The following EYS variants were observed in gnomAD, a reference collection of about 807,000 sequenced individuals.
EYS encodes the protein protein eyes shut homolog.
Under a neutral mutation model 282.1 loss-of-function variants are expected in EYS, and 250 were observed. The observed-to-expected ratio is 0.89, with a 90% CI of 0.80 to 0.98. The LOEUF (loss-of-function observed/expected upper bound fraction) is 0.98, where lower values mean the gene tolerates loss of function less well. EYS is among the 50% of genes least tolerant of loss of function. The pLI is 0.00. For synonymous variants in EYS, 1,355 were observed against 1,282.9 expected, an observed-to-expected ratio of 1.06 and a Z score of -1.20; for missense variants, 4,016 against 3,709.0, an observed-to-expected ratio of 1.08 and a Z score of -2.15.
At chr6:64,809,612 A>G (rs919841142) in intron 22 of EYS, among the ~76,000 whole-genome samples, 3 of 152,124 alleles carry the variant, frequency 2.0e-5, no homozygotes, top group Non-Finnish European at 4.4e-5. Context: ...TGTGGTACAT[A>G]TACACCACAC....
intron 30 of EYS, among the ~76,000 whole-genome samples, chr6:64,241,469 G>T (rs1288092880): frequency 2.0e-5 from 3 of 151,682 alleles, no homozygotes; most frequent in Non-Finnish European, 4.4e-5. Context: ...GTCTTGGGAG[G>T]GTGTATGTGT....
chr6:64,129,005 C>A (rs1423180136), intron 31 of EYS, among the ~76,000 whole-genome samples: 2 of 152,044 alleles, frequency 1.3e-5, no homozygotes, highest in African/African-American at 4.8e-5. Flanking sequence ...TATATACAAC[C>A]CTCTGGTCAA....
chr6:64,821,865 C>G (rs1272768277), intron 20 of EYS, 142 bp from the exon 21 acceptor site: 1 of 480,892 alleles, frequency 2.1e-6, no homozygotes, highest in Non-Finnish European at 3.7e-6. Context: ...GAGTTTATTC[C>G]TGGGTTTCTT....
At chr6:64,623,863 C>A (rs1015205756) in intron 23 of EYS, among the ~76,000 whole-genome samples, 2 of 151,948 alleles carry the variant, frequency 1.3e-5, no homozygotes, top group African/African-American at 4.8e-5. Context: ...GAAACCGTGG[C>A]AAACTATGCC....
chr6:63,948,626 TTCTTTCTC>T (rs1765469978), intron 35 of EYS, among the ~76,000 whole-genome samples: 1 of 151,768 alleles, frequency 6.6e-6, no homozygotes. Context: ...CTCTCTTTCT[TTCTTTCTC>T]TCTCCTTCTC....
At chr6:64,271,666 A>G (rs1313885859) in intron 30 of EYS, among the ~76,000 whole-genome samples, 1 of 151,466 alleles carries the variant, frequency 6.6e-6, no homozygotes, top group Admixed American at 6.6e-5. Flanking sequence ...ACTTAATTCA[A>G]TTGAAATTGA....
At chr6:65,487,659 G>A (rs1435415787) in intron 5 of EYS, among the ~76,000 whole-genome samples, 24 of 152,080 alleles carry the variant, frequency 1.6e-4, no homozygotes, top group Non-Finnish European at 7.4e-5. Flanking sequence ...TCTCTGCCAG[G>A]CTTTGGTATC....
intron 5 of EYS, among the ~76,000 whole-genome samples, chr6:65,407,454 T>C (rs772876573): frequency 5.1e-4 from 77 of 151,942 alleles, no homozygotes; most frequent in Non-Finnish European, 9.9e-4. Flanking sequence ...TGGGGTTTCA[T>C]TATGTTGGCC....
chr6:64,519,670 T>C (rs952933817), intron 26 of EYS, among the ~76,000 whole-genome samples: 1 of 151,732 alleles, frequency 6.6e-6, no homozygotes, highest in Non-Finnish European at 1.5e-5. Flanking sequence ...CACCCACCAA[T>C]TGGAGGATGT....
At chr6:63,920,159 T>G (rs1469900666) in intron 35 of EYS, among the ~76,000 whole-genome samples, 3 of 150,468 alleles carry the variant, frequency 2.0e-5, no homozygotes, top group African/African-American at 7.3e-5. Context: ...TCCAAAGCCT[T>G]TTTTTTTTAA....
chr6:65,113,053 T>C (rs1020963751), intron 12 of EYS, among the ~76,000 whole-genome samples: 9 of 152,018 alleles, frequency 5.9e-5, no homozygotes, highest in African/African-American at 1.9e-4. Flanking sequence ...ATAATATAAC[T>C]CTCACATTAT....
intron 22 of EYS, among the ~76,000 whole-genome samples, chr6:64,771,417 T>G (rs1773519035): frequency 6.6e-6 from 1 of 151,294 alleles, no homozygotes; most frequent in African/African-American, 2.4e-5. Context: ...TCTATTTTAC[T>G]TAGGAATGCT....
chr6:65,101,533 A>T (rs939114178), intron 12 of EYS, among the ~76,000 whole-genome samples: 11 of 151,324 alleles, frequency 7.3e-5, no homozygotes, highest in Admixed American at 2.0e-4. Flanking sequence ...AGAAAGAAAC[A>T]GCCAAATCTA....
chr6:64,569,268 A>C (rs1331331813), intron 26 of EYS, among the ~76,000 whole-genome samples: 2 of 151,962 alleles, frequency 1.3e-5, no homozygotes, highest in Non-Finnish European at 2.9e-5. Flanking sequence ...GGGATTGCTA[A>C]TTAGAATAAC....
chr6:64,884,888 C>A (rs763015852), intron 19 of EYS, among the ~76,000 whole-genome samples: 7 of 151,504 alleles, frequency 4.6e-5, no homozygotes, highest in Non-Finnish European at 8.9e-5. Flanking sequence ...GACATGTGAG[C>A]AGTTTTGCTC....
At chr6:64,026,858 A>C (rs972148580) in intron 33 of EYS, among the ~76,000 whole-genome samples, 3 of 152,160 alleles carry the variant, frequency 2.0e-5, no homozygotes, top group African/African-American at 7.2e-5. Context: ...ACCCGGGTAC[A>C]TGTCCCCTTC....
chr6:65,386,479 A>T (rs1208663955), intron 7 of EYS, among the ~76,000 whole-genome samples: 1 of 151,838 alleles, frequency 6.6e-6, no homozygotes, highest in African/African-American at 2.4e-5. Context: ...ACTCCCAGTG[A>T]TGGCTTGAAA....
At chr6:65,231,859 G>C (rs1227700872) in intron 12 of EYS, among the ~76,000 whole-genome samples, 1 of 151,716 alleles carries the variant, frequency 6.6e-6, no homozygotes, top group Non-Finnish European at 1.5e-5. Flanking sequence ...GCAAGTAGTG[G>C]TATGAATAGT....
At chr6:64,319,043 C>T (rs1207134538) in intron 29 of EYS, among the ~76,000 whole-genome samples, 2 of 151,374 alleles carry the variant, frequency 1.3e-5, no homozygotes, top group East Asian at 1.9e-4. Flanking sequence ...GCGTATTAAC[C>T]TTTCTTTTTA....
Sources: allele counts gnomAD v4.1 joint callset (sites outside exome capture counted in the v4.1 genomes callset), GRCh38; gene constraint gnomAD v4.1.1; transcripts MANE v1.5; gene names NCBI Gene and HGNC (gene_info 2026-07-23, HGNC 2026-07-21).